The following SPRED1 variants were observed in gnomAD, a reference collection of about 807,000 sequenced individuals.
The protein encoded by SPRED1 is sprouty-related, EVH1 domain-containing protein 1.
A neutral mutation model predicts 52.3 loss-of-function variants in SPRED1; 18 were observed. The ratio of observed to expected loss-of-function variants is 0.34; its 90% confidence interval spans 0.24 to 0.51. SPRED1 has a LOEUF of 0.51. SPRED1 is among the 20% of genes least tolerant of loss of function. SPRED1 has a pLI of 0.97. For synonymous variants in SPRED1, 155 were observed against 179.7 expected, an observed-to-expected ratio of 0.86 and a Z score of 1.10; for missense variants, 485 against 551.0, an observed-to-expected ratio of 0.88 and a Z score of 1.20.
chr15:38,342,288 C>T (rs1219937820), intron 5 of SPRED1, among the ~76,000 whole-genome samples: 1 of 151,874 alleles, frequency 6.6e-6, no homozygotes, highest in East Asian at 1.9e-4. Context: ...ATCTTGCATC[C>T]TTAAAATCTA....
chr15:38,318,837 A>C (rs1895543086), intron 2 of SPRED1, among the ~76,000 whole-genome samples: 3 of 152,092 alleles, frequency 2.0e-5, no homozygotes. Context: ...CATTTTCTTT[A>C]TTTAATCCAC....
intron 1 of SPRED1, among the ~76,000 whole-genome samples, chr15:38,278,967 A>G (rs1894626956): frequency 6.6e-6 from 1 of 151,706 alleles, no homozygotes; most frequent in Non-Finnish European, 1.5e-5. Context: ...AGCTGGGATT[A>G]CAGGCGTACA....
intron 4 of SPRED1, among the ~76,000 whole-genome samples, chr15:38,328,542 C>G (rs1895753002): frequency 6.6e-6 from 1 of 152,096 alleles, no homozygotes; most frequent in Non-Finnish European, 1.5e-5. Flanking sequence ...TCTTTCTTAT[C>G]TTTTATTCCT....
chr15:38,280,498 A>C (rs1283978397), intron 1 of SPRED1, among the ~76,000 whole-genome samples: 1 of 141,912 alleles, frequency 7.0e-6, no homozygotes, highest in African/African-American at 2.6e-5. Flanking sequence ...CATGGATATC[A>C]TCTTTGCGTT....
intron 1 of SPRED1, among the ~76,000 whole-genome samples, chr15:38,254,085 T>C (rs1399214838): frequency 2.6e-5 from 4 of 152,126 alleles, no homozygotes; most frequent in Non-Finnish European, 5.9e-5. Flanking sequence ...CGTGGAGAAA[T>C]AATGGTTGGC....
chr15:38,299,362 A>G lies in SPRED1; in HGVS notation c.33-11A>G, dbSNP rs775671940. ...GGAAAAGCTAATTCCTGATCTTTGC[A>G]TCTATTTTAGTAATAGTTATGCACG... On this transcript the variant is annotated splice_polypyrimidine_tract_variant and intron_variant, in intron 1 of 6. Transcript: ENST00000299084. The G allele has an allele frequency of 2.5e-6, 4 of 1,613,622 alleles. No individual in the cohort carries two copies. Among genetic ancestry groups the G allele is most frequent in the Admixed American group, 1.7e-5 (1 of 59,966 alleles).
chr15:38,262,358 C>T (rs566315447), intron 1 of SPRED1, among the ~76,000 whole-genome samples: 2 of 152,138 alleles, frequency 1.3e-5, no homozygotes, highest in Admixed American at 1.3e-4. Flanking sequence ...TTCTTCAAGG[C>T]TCAAGGAGAA....
chr15:38,271,140 G>T (rs1464005129), intron 1 of SPRED1, among the ~76,000 whole-genome samples: 2 of 152,206 alleles, frequency 1.3e-5, no homozygotes, highest in Non-Finnish European at 2.9e-5. Flanking sequence ...AATTATCCGT[G>T]TATCATGCCA....
At chr15:38,268,798 A>G (rs561574952) in intron 1 of SPRED1, among the ~76,000 whole-genome samples, 1 of 152,318 alleles carries the variant, frequency 6.6e-6, no homozygotes, top group East Asian at 1.9e-4. Flanking sequence ...CTAAGTTTTT[A>G]CTGTTCATTC....
At chr15:38,349,289 C>A in intron 5 of SPRED1, 133 bp from the exon 6 acceptor site, 1 of 650,412 alleles carries the variant, frequency 1.5e-6, no homozygotes, top group South Asian at 1.7e-5. Context: ...GGAAATGATT[C>A]TATTTTTATT....
intron 1 of SPRED1, among the ~76,000 whole-genome samples, chr15:38,272,866 C>T (rs12901409): frequency 0.83 from 125,564 of 152,132 alleles, 52,572 homozygotes; most frequent in Non-Finnish European, 0.9. Context: ...GTCTTTTGCC[C>T]TTTTTAAAAT....
chr15:38,336,713 C>T (rs982010392), intron 4 of SPRED1, among the ~76,000 whole-genome samples: 1 of 151,852 alleles, frequency 6.6e-6, no homozygotes, highest in African/African-American at 2.4e-5. Context: ...CTCACTCGTT[C>T]TCACTCATAA....
intron 1 of SPRED1, among the ~76,000 whole-genome samples, chr15:38,261,920 T>C (rs1255505481): frequency 6.6e-6 from 1 of 152,148 alleles, no homozygotes; most frequent in Non-Finnish European, 1.5e-5. Flanking sequence ...GTGTCTTTTC[T>C]GATGCCACTT....
In SPRED1 at chr15:38,338,778, T is replaced by G. The variant is rs1241167791; in HGVS notation, c.424-959T>G. Among the ~76,000 whole-genome samples the G allele has an allele frequency of 2.6e-5, 4 of 152,164 alleles. No homozygotes were observed. In the East Asian group the frequency reaches 5.8e-4, roughly 22 times the overall value. ...GGAATTAAATGAGACAAGGCTATTT[T>G]TTTTTCTGGAACAAATCTAGAACTT... On this transcript the variant is annotated intron_variant, in intron 4 of 6. Transcript: ENST00000299084.
At chr15:38,333,141 CG>C (rs1317508690) in intron 4 of SPRED1, among the ~76,000 whole-genome samples, 3 of 151,892 alleles carry the variant, frequency 2.0e-5, no homozygotes, top group Non-Finnish European at 4.4e-5. Flanking sequence ...ACAGGAAAAA[CG>C]TAAGTAAAAG....
At chr15:38,271,183 AG>A (rs1894426857) in intron 1 of SPRED1, among the ~76,000 whole-genome samples, 1 of 152,232 alleles carries the variant, frequency 6.6e-6, no homozygotes, top group South Asian at 2.1e-4. Flanking sequence ...CAGATGTTAA[AG>A]TGTTTAGATT....
At chr15:38,286,619 G>C (rs914652063) in intron 1 of SPRED1, among the ~76,000 whole-genome samples, 1 of 150,060 alleles carries the variant, frequency 6.7e-6, no homozygotes, top group Non-Finnish European at 1.5e-5. Context: ...TTTAGGCATG[G>C]TACCAATTAT....
intron 2 of SPRED1, among the ~76,000 whole-genome samples, chr15:38,302,607 T>C (rs1895169378): frequency 6.6e-6 from 1 of 152,142 alleles, no homozygotes; most frequent in Non-Finnish European, 1.5e-5. Flanking sequence ...TTTGATACTC[T>C]AAATTGGAGC....
At chr15:38,273,146 T>C in intron 1 of SPRED1, among the ~76,000 whole-genome samples, 1 of 152,202 alleles carries the variant, frequency 6.6e-6, no homozygotes, top group East Asian at 1.9e-4. Context: ...TCTACGATTC[T>C]TATAGTTTGT....
Sources: allele counts gnomAD v4.1 joint callset (sites outside exome capture counted in the v4.1 genomes callset), GRCh38; gene constraint gnomAD v4.1.1; transcripts MANE v1.5; gene names NCBI Gene and HGNC (gene_info 2026-07-23, HGNC 2026-07-21).